NTN1: variants seen among roughly 807,000 people sequenced by gnomAD.
NTN1 encodes netrin 1, also known as netrin-1.
Under a neutral mutation model 54.2 loss-of-function variants are expected in NTN1, and 11 were observed. The observed-to-expected ratio is 0.20, with a 90% CI of 0.13 to 0.34. The LOEUF (loss-of-function observed/expected upper bound fraction) is 0.34. NTN1 is among the 10% of genes least tolerant of loss of function. The probability of loss-of-function intolerance (pLI) is 1.00; values close to 1 mark genes in which losing one functional copy is unlikely to be tolerated. For synonymous variants in NTN1, 371 were observed against 382.0 expected, an observed-to-expected ratio of 0.97 and a Z score of 0.33; for missense variants, 740 against 893.1, an observed-to-expected ratio of 0.83 and a Z score of 2.18.
At chr17:9,231,790 G>A (rs1905824474) in intron 6 of NTN1, among the ~76,000 whole-genome samples, 1 of 150,540 alleles carries the variant, frequency 6.6e-6, no homozygotes, top group African/African-American at 2.4e-5. Flanking sequence ...CCTTCTGGGA[G>A]CCCCGGAGGG....
Position 9,152,795 on chromosome 17 carries a change from A to G in NTN1, c.1019-10018A>G, listed in dbSNP as rs543049299. 4.3e-4 allele frequency among the ~76,000 whole-genome samples: 66 copies of G among 152,214 alleles called. 1 individual carries two copies. The South Asian group carries it at 0.013, about 31-fold the overall frequency. On this transcript the variant is annotated intron_variant, in intron 2 of 6. Transcript: ENST00000173229. ...GAAATCATCAGACGCAGATGTCTTC[A>G]TTTTTCAGATGGGAGAATGGGTTCA...
chr17:9,077,970 C>T (rs1050693791), intron 2 of NTN1, among the ~76,000 whole-genome samples: 5 of 152,184 alleles, frequency 3.3e-5, no homozygotes, highest in African/African-American at 1.2e-4. Flanking sequence ...TATCATTACT[C>T]CACTCCTGTG....
chr17:9,098,533 A>G (rs375405951), intron 2 of NTN1, among the ~76,000 whole-genome samples: 13 of 152,352 alleles, frequency 8.5e-5, no homozygotes, highest in Admixed American at 5.9e-4. Flanking sequence ...TGCTGAAACC[A>G]TGGCACTGGC....
chr17:9,170,885 C>T (rs1052348143), intron 3 of NTN1, among the ~76,000 whole-genome samples: 148 of 148,684 alleles, frequency 1.0e-3, no homozygotes, highest in African/African-American at 3.4e-3. Flanking sequence ...CACACACACT[C>T]ACACACACAC....
At chr17:9,071,315 C>T (rs1161860958) in intron 2 of NTN1, among the ~76,000 whole-genome samples, 1 of 152,098 alleles carries the variant, frequency 6.6e-6, no homozygotes, top group African/African-American at 2.4e-5. Flanking sequence ...GCCTCTGGAA[C>T]CACCGTGTTA....
At chr17:9,236,008 CTT>C (rs1905975992) in intron 6 of NTN1, among the ~76,000 whole-genome samples, 1 of 151,960 alleles carries the variant, frequency 6.6e-6, no homozygotes, top group South Asian at 2.1e-4. Context: ...CGGTCAGCCT[CTT>C]ATATAAGGAC....
chr17:9,124,698 G>C (rs1227277386), intron 2 of NTN1, among the ~76,000 whole-genome samples: 3 of 152,192 alleles, frequency 2.0e-5, no homozygotes, highest in African/African-American at 7.2e-5. Flanking sequence ...GACAGATGCT[G>C]TGGGGAGGTA....
At chr17:9,231,915 G>A (rs543708290) in intron 6 of NTN1, among the ~76,000 whole-genome samples, 2 of 152,276 alleles carry the variant, frequency 1.3e-5, no homozygotes, top group Non-Finnish European at 2.9e-5. Context: ...GGGCGGTTGG[G>A]GGGACGCTCA....
intron 2 of NTN1, among the ~76,000 whole-genome samples, chr17:9,060,802 G>A (rs1482315279): frequency 2.0e-5 from 3 of 151,734 alleles, no homozygotes; most frequent in Non-Finnish European, 2.9e-5. Context: ...ATGGTGAAAC[G>A]CCATCTCTAC....
At chr17:9,060,481 G>T (rs1365057559) in intron 2 of NTN1, among the ~76,000 whole-genome samples, 1 of 152,150 alleles carries the variant, frequency 6.6e-6, no homozygotes, top group East Asian at 1.9e-4. Flanking sequence ...TTTACTGTGT[G>T]GGGCATTGGT....
At chr17:9,227,707 C>CAT (rs1905641369) in intron 6 of NTN1, among the ~76,000 whole-genome samples, 1 of 149,264 alleles carries the variant, frequency 6.7e-6, no homozygotes, top group Admixed American at 6.6e-5. Flanking sequence ...ACACGTATCA[C>CAT]ACGCACACAC....
intron 2 of NTN1, among the ~76,000 whole-genome samples, chr17:9,087,732 G>T (rs1028292656): frequency 6.6e-6 from 1 of 152,238 alleles, no homozygotes; most frequent in Non-Finnish European, 1.5e-5. Context: ...CGAGACAGCT[G>T]CTCATCCTTT....
chr17:9,189,861 G>T (rs575646608), intron 5 of NTN1, among the ~76,000 whole-genome samples: 20 of 152,270 alleles, frequency 1.3e-4, no homozygotes, highest in Middle Eastern at 6.8e-3. Flanking sequence ...CATGGAGCTG[G>T]CATGACCAGG....
chr17:9,133,783 G>A (rs1369993039), intron 2 of NTN1, among the ~76,000 whole-genome samples: 56 of 87,326 alleles, frequency 6.4e-4, no homozygotes, highest in African/African-American at 3.1e-3. Context: ...TTGTATTTTA[G>A]TAGAGACAGG....
the NTN1 span, among the ~76,000 whole-genome samples, chr17:9,013,502 C>T: frequency 3.9e-5 from 6 of 152,124 alleles, no homozygotes; most frequent in Non-Finnish European, 7.4e-5. Flanking sequence ...AGGTGTGAGC[C>T]ACCTCGCCCG....
chr17:9,152,304 C>T (rs773166747), intron 2 of NTN1, among the ~76,000 whole-genome samples: 6 of 152,156 alleles, frequency 3.9e-5, no homozygotes, highest in Admixed American at 1.3e-4. Flanking sequence ...GCTGTGCCAC[C>T]GCATGCCCAA....
the NTN1 span, among the ~76,000 whole-genome samples, chr17:9,006,189 T>TGGGGGGGGGG: frequency 2.8e-5 from 1 of 36,000 alleles, no homozygotes; most frequent in Non-Finnish European, 5.8e-5. Flanking sequence ...TGGTGGGTAG[T>TGGGGGGGGGG]GGGGGGGACA....
intron 5 of NTN1, among the ~76,000 whole-genome samples, chr17:9,201,097 A>G (rs574552105): frequency 6.6e-6 from 1 of 152,262 alleles, no homozygotes; most frequent in East Asian, 1.9e-4. Context: ...CCTCTAGCAA[A>G]AACTCTAGAA....
rs1167617862 is a variant in NTN1, at chr17:9,056,935, G to A, written c.1018+33544G>A. 3.9e-5 allele frequency among the ~76,000 whole-genome samples: 6 copies of A among 152,264 alleles called. No homozygotes were observed. In the South Asian group the frequency reaches 6.2e-4, roughly 16 times the overall value. ...TAAAGACAACGCCTTTCGTGCCTGC[G>A]TGCTTGCTGTGTGCCCCCCGTCTCG... On this transcript the variant is annotated intron_variant, in intron 2 of 6. Coordinates refer to ENST00000173229, the MANE Select transcript of NTN1 (RefSeq NM_004822.3).
Sources: gnomAD v4.1 joint callset for allele counts (sites outside exome capture counted in the v4.1 genomes callset) on GRCh38, gnomAD v4.1.1 for gene constraint, MANE v1.5 for transcripts, NCBI Gene and HGNC (gene_info 2026-07-23, HGNC 2026-07-21) for gene names.